MKRN1: variants seen among roughly 807,000 people sequenced by gnomAD.
MKRN1 encodes the protein E3 ubiquitin-protein ligase makorin-1.
MKRN1 carries 9 observed loss-of-function variants against 55.5 expected under a neutral mutation model. The ratio of observed to expected loss-of-function variants is 0.16; its 90% CI spans 0.10 to 0.28. The LOEUF is 0.28. Among genes scored for constraint, MKRN1 ranks in the 10% least tolerant of loss-of-function variants. The probability of loss-of-function intolerance (pLI) is 1.00; values close to 1 mark genes in which losing one functional copy is unlikely to be tolerated. For missense variants in MKRN1, 488 were observed against 626.7 expected, an observed-to-expected ratio of 0.78 and a Z score of 2.36; for synonymous variants, 253 against 235.9, an observed-to-expected ratio of 1.07 and a Z score of -0.66.
intron 2 of MKRN1, among the ~76,000 whole-genome samples, chr7:140,470,549 C>G (rs1190161401): frequency 6.6e-6 from 1 of 151,950 alleles, no homozygotes; most frequent in African/African-American, 2.4e-5. Flanking sequence ...TGCGCCACTG[C>G]ACTCCAGCCT....
Position 140,456,882 on chromosome 7 carries a change from A to G in MKRN1, c.772-16T>C. On this transcript the variant is annotated splice_polypyrimidine_tract_variant and intron_variant, in intron 4 of 7. Coordinates refer to ENST00000255977, the MANE Select transcript of MKRN1 (RefSeq NM_013446.4). ...CAATGCACGACTAGAGAAGGTGGAG[A>G]GAGAACAAGTGGAATCCAGTCATTG... The G allele has an allele frequency of 6.2e-7, 1 of 1,610,572 alleles. No homozygotes were observed. Among genetic ancestry groups the G allele is most frequent in the African/African-American group, 1.3e-5 (1 of 74,990 alleles).
rs776772713 is a variant in MKRN1 at position 140,466,994 on chromosome 7, T to G, written c.314+4889A>C. On this transcript the variant is annotated intron_variant, in intron 2 of 7. Transcript: ENST00000255977. ...TCAACTTTTTCTTTTTTTTTTTTTT[T>G]GAGACAGAGTTTCGCTCTTGTTGCC... 8.7e-3 allele frequency among the ~76,000 whole-genome samples: 1,231 copies of G among 141,186 alleles called. 11 individuals carry two copies. Among genetic ancestry groups the G allele is most frequent in the Non-Finnish European group, 0.013 (839 of 66,752 alleles). The allele number at this position is 141,186 out of a possible 152,430, so 92.6% of individuals were successfully genotyped here. A position where few individuals can be genotyped will look rare whatever the true frequency, so the allele number is the denominator to read the frequency against.
intron 5 of MKRN1, chr7:140,456,112 T>TA: frequency 2.4e-5 from 24 of 986,524 alleles, no homozygotes; most frequent in East Asian, 6.4e-5. Flanking sequence ...GCTAGCCAGT[T>TA]CTTTTTTTTT....
intron 1 of MKRN1, chr7:140,472,306 CAT>C (rs1794952344): frequency 3.0e-6 from 1 of 333,456 alleles, no homozygotes. Context: ...TGGTGGCACA[CAT>C]GTTAATCCCA....
Position 140,457,011 on chromosome 7 carries a change from G to A in MKRN1, c.772-145C>T, listed in dbSNP as rs551344907. 2.4e-3 allele frequency: 1,934 copies of A among 822,650 alleles called. 3 individuals carry two copies. The highest frequency in any genetic ancestry group is 2.7e-3 in the Non-Finnish European group (1,453 of 541,920). The allele number at this position is 822,650 out of a possible 1,614,324, so 51.0% of individuals were successfully genotyped here. ...AGCTGACACGAAAATTAGCTTTGCT[G>A]ACAAGTAAACACAGGTGTGGTGTTT... On this transcript the variant is annotated intron_variant, in intron 4 of 7. Coordinates refer to ENST00000255977, the MANE Select transcript of MKRN1 (RefSeq NM_013446.4).
intron 2 of MKRN1, 82 bp from the exon 3 acceptor site, chr7:140,460,018 GGGT>G: frequency 1.7e-6 from 2 of 1,205,464 alleles, no homozygotes; most frequent in Non-Finnish European, 2.4e-6. Flanking sequence ...AAGCTGAGGT[GGGT>G]GGATCACCAG....
intron 5 of MKRN1, chr7:140,456,178 C>T: frequency 8.4e-7 from 1 of 1,193,368 alleles, no homozygotes. Context: ...ACATTTCACA[C>T]AGACTCCTTT....
chr7:140,458,696 T>G (rs558102149), intron 4 of MKRN1, among the ~76,000 whole-genome samples: 4 of 152,192 alleles, frequency 2.6e-5, no homozygotes, highest in African/African-American at 4.8e-5. Flanking sequence ...TAGAAGTCTA[T>G]AGTCTGAGTT....
At chr7:140,463,326 C>T (rs1346158347) in intron 2 of MKRN1, among the ~76,000 whole-genome samples, 3 of 152,178 alleles carry the variant, frequency 2.0e-5, no homozygotes, top group African/African-American at 7.2e-5. Context: ...CACTGTCCTA[C>T]TAAGTGATGG....
Position 140,464,858 on chromosome 7 carries a change from C to G in MKRN1, c.315-4922G>C, listed in dbSNP as rs1287764084. Reference sequence around the variant, plus strand: ...AGACTGGAGAGCAGTGGCACAATCACAATTCACTGCGCCCTTAACCTCCCT... The same window carrying G: ...AGACTGGAGAGCAGTGGCACAATCAGAATTCACTGCGCCCTTAACCTCCCT... On this transcript the variant is annotated intron_variant, in intron 2 of 7. Coordinates refer to ENST00000255977, the MANE Select transcript of MKRN1 (RefSeq NM_013446.4). Among the ~76,000 whole-genome samples the G allele has an allele frequency of 3.9e-5, 6 of 152,148 alleles. No individual in the cohort carries two copies. In the East Asian group the frequency reaches 1.2e-3, roughly 29 times the overall value.
intron 2 of MKRN1, among the ~76,000 whole-genome samples, chr7:140,466,398 C>T (rs377711325): frequency 6.6e-6 from 1 of 152,196 alleles, no homozygotes; most frequent in African/African-American, 2.4e-5. Context: ...GCCCAGTAGG[C>T]TCACACCTAT....
intron 1 of MKRN1, among the ~76,000 whole-genome samples, chr7:140,474,795 T>C (rs925868444): frequency 1.3e-5 from 2 of 151,540 alleles, no homozygotes; most frequent in Non-Finnish European, 2.9e-5. Flanking sequence ...CTTGGCTCAC[T>C]GCAGCCTCTG....
In MKRN1 at chr7:140,455,471, G is replaced by GA. The variant is rs1251445786; in HGVS notation, c.1098-239dup. On this transcript the variant is annotated intron_variant, in intron 6 of 7. Coordinates refer to ENST00000255977, the MANE Select transcript of MKRN1 (RefSeq NM_013446.4). ...CTAGTACAAGCAGATGCCATAGAGAGAAAATCTTCTAGAAAGCCAACACAT... is the reference window on the plus strand; with the variant it reads ...CTAGTACAAGCAGATGCCATAGAGAGAAAAATCTTCTAGAAAGCCAACACAT... The GA allele has an allele frequency of 4.5e-5, 26 of 573,496 alleles. No homozygotes were observed. In the Admixed American group the frequency reaches 7.3e-4, roughly 16 times the overall value. The allele number at this position is 573,496 out of a possible 1,614,324, so 35.5% of individuals were successfully genotyped here.
At chr7:140,476,803 G>A (rs1795131217) in intron 1 of MKRN1, among the ~76,000 whole-genome samples, 1 of 151,850 alleles carries the variant, frequency 6.6e-6, no homozygotes, top group Non-Finnish European at 1.5e-5. Context: ...TCATAGACCG[G>A]GTGCGGTGGC....
Position 140,479,293 on chromosome 7 carries a change from C to T in MKRN1, c.52G>A (p.Ala18Thr). 2.2e-6 allele frequency: 3 copies of T among 1,380,120 alleles called. No individual in the cohort carries two copies. Among genetic ancestry groups the T allele is most frequent in the Non-Finnish European group, 2.8e-6 (3 of 1,065,708 alleles). 85.5% of individuals were successfully genotyped at this position (1,380,120 alleles called of 1,614,324 possible). ...GTTATTSGAG[A>T]AAATAAAASP... Reference sequence around the variant, plus strand: ...GCTGCTGCCGCCGTCGCCGCTGCCGCTCCTGCTCCTGATGTTGTGGCTGTT... The same window carrying T: ...GCTGCTGCCGCCGTCGCCGCTGCCGTTCCTGCTCCTGATGTTGTGGCTGTT... Residue 18 changes from alanine to threonine, a missense_variant, in exon 1 of 8, where the codon GCG (alanine) becomes ACG (threonine). Coordinates refer to ENST00000255977, the MANE Select transcript of MKRN1 (RefSeq NM_013446.4).
chr7:140,466,543 G>A (rs1193728888), intron 2 of MKRN1, among the ~76,000 whole-genome samples: 3 of 152,222 alleles, frequency 2.0e-5, no homozygotes, highest in South Asian at 2.1e-4. Context: ...GGTGGCTCAC[G>A]CCTGTAATCC....
chr7:140,472,639 C>T (rs60785888), intron 1 of MKRN1, among the ~76,000 whole-genome samples: 59 of 151,078 alleles, frequency 3.9e-4, no homozygotes, highest in Admixed American at 6.6e-4. Context: ...CTGCCCACCT[C>T]GGCCTCCCAA....
intron 2 of MKRN1, among the ~76,000 whole-genome samples, chr7:140,466,727 G>C (rs186297292): frequency 1.3e-5 from 2 of 151,392 alleles, no homozygotes; most frequent in Non-Finnish European, 1.5e-5. Context: ...TGGCGTGAAC[G>C]TGGGAAGCGG....
chr7:140,465,628 C>T (rs578260593), intron 2 of MKRN1, among the ~76,000 whole-genome samples: 1 of 152,290 alleles, frequency 6.6e-6, no homozygotes, highest in South Asian at 2.1e-4. Context: ...ACTGGCCTCA[C>T]TAAACAAAAG....
Sources: allele counts gnomAD v4.1 joint callset (sites outside exome capture counted in the v4.1 genomes callset), GRCh38; gene constraint gnomAD v4.1.1; transcripts MANE v1.5; gene names NCBI Gene and HGNC (gene_info 2026-07-23, HGNC 2026-07-21).